DLG5: variants seen among roughly 807,000 people sequenced by gnomAD.
The protein encoded by DLG5 is discs large MAGUK scaffold protein 5.
Under a neutral mutation model 189.8 loss-of-function variants are expected in DLG5, and 48 were observed. The observed-to-expected ratio is 0.25, with a 90% CI of 0.20 to 0.32. DLG5 has a LOEUF of 0.32. Ranked by LOEUF, DLG5 falls within the 10% of genes least tolerant of loss-of-function variation. The probability of loss-of-function intolerance (pLI) is 1.00; values close to 1 mark genes in which losing one functional copy is unlikely to be tolerated. For synonymous variants in DLG5, 1,016 were observed against 1,054.1 expected, an observed-to-expected ratio of 0.96 and a Z score of 0.70; for missense variants, 2,160 against 2,544.7, an observed-to-expected ratio of 0.85 and a Z score of 3.25.
At chr10:77,805,299 A>G (rs993047338) in intron 27 of DLG5, among the ~76,000 whole-genome samples, 1 of 152,176 alleles carries the variant, frequency 6.6e-6, no homozygotes, top group African/African-American at 2.4e-5. Flanking sequence ...TCTCTTGCAC[A>G]TGCAAGTGGA....
chr10:77,816,584 T>C lies in DLG5; in HGVS notation c.3992A>G (p.Asn1331Ser). 1 of 1,613,920 alleles carries C rather than the reference T, an allele frequency of 6.2e-7. No individual in the cohort carries two copies. The highest frequency in any genetic ancestry group is 8.5e-7 in the Non-Finnish European group (1 of 1,179,960). Residue 1331 changes from asparagine (N) to serine (S), a missense_variant, in exon 20 of 32, where the codon AAC becomes AGC. This residue lies in a region of DLG5 where 754 missense variants were observed against 746.5 expected (regional missense o/e 1.01). Coordinates refer to ENST00000372391, the MANE Select transcript of DLG5 (RefSeq NM_004747.4). ...TCTCCGCTCCCCGAGGGACGCGGGG[T>C]TGACAGCGATTCTGGGCAATGTGGA... is the stretch of plus-strand genomic sequence containing the variant. Reference protein sequence around the residue: ...SASTLPRIAVNPASLGERRKD... With the variant: ...SASTLPRIAVSPASLGERRKD...
Position 77,904,769 on chromosome 10 carries a change from T to TAA in DLG5, c.304+21446_304+21447dup, listed in dbSNP as rs113803144. Among the ~76,000 whole-genome samples, 1,351 of 146,814 alleles carry TAA rather than the reference T, an allele frequency of 9.2e-3. 18 individuals are homozygous for TAA. The highest frequency in any genetic ancestry group is 0.03 in the African/African-American group (1,211 of 40,388). ...AAATTAAACATCCTGTTCTTCCAAA[T>TAA]AAAAAAAAAAACAAAAACATGTTGC... On this transcript the variant is annotated intron_variant, in intron 1 of 31. Coordinates refer to ENST00000372391, the MANE Select transcript of DLG5 (RefSeq NM_004747.4).
rs1463335348 is a variant in DLG5 at position 77,923,004 on chromosome 10, T to A, written c.304+3213A>T. 2.0e-5 allele frequency among the ~76,000 whole-genome samples: 3 copies of A among 152,228 alleles called. No individual in the cohort carries two copies. The East Asian group carries it at 5.8e-4, about 29-fold the overall frequency. On this transcript the variant is annotated intron_variant, in intron 1 of 31. Transcript: ENST00000372391. ...TTCCAGGCCCCACGTGGTAGGCTGC[T>A]GCCGATGCAGACTCCCTCAGCACCC...
intron 5 of DLG5, among the ~76,000 whole-genome samples, chr10:77,852,357 C>T (rs1351585060): frequency 2.0e-5 from 3 of 151,922 alleles, no homozygotes; most frequent in East Asian, 1.9e-4. Flanking sequence ...GGCGACAGAG[C>T]GAACTCTGTC....
intron 8 of DLG5, among the ~76,000 whole-genome samples, chr10:77,835,535 G>T (rs928502296): frequency 2.6e-5 from 4 of 152,210 alleles, no homozygotes; most frequent in Non-Finnish European, 5.9e-5. Flanking sequence ...AGGGCTGAGT[G>T]AGATGGGAGG....
At chr10:77,915,679 G>A (rs555169060) in intron 1 of DLG5, among the ~76,000 whole-genome samples, 3 of 152,328 alleles carry the variant, frequency 2.0e-5, no homozygotes, top group African/African-American at 7.2e-5. Context: ...CAGCAAACTA[G>A]CAGTTAGAAG....
intron 29 of DLG5, 147 bp downstream of exon 29, chr10:77,795,914 G>A: frequency 2.4e-6 from 3 of 1,229,484 alleles, no homozygotes; most frequent in Non-Finnish European, 2.3e-6. Context: ...GGCAAGCCCA[G>A]GCACAGGTGA....
At position 77,812,738 on chromosome 10, in the gene DLG5, G is replaced by A. The variant is rs577353748; in HGVS notation, c.4026-361C>T. On this transcript the variant is annotated intron_variant, in intron 20 of 31. Transcript: ENST00000372391. ...TCTGGGGGGTCTTGAGATGCCCTCCGAGGAAAAGAGATGGCTCCTGGGATG... is the reference window on the plus strand; with the variant it reads ...TCTGGGGGGTCTTGAGATGCCCTCCAAGGAAAAGAGATGGCTCCTGGGATG... Among the ~76,000 whole-genome samples the A allele has an allele frequency of 5.9e-5, 9 of 152,342 alleles. No homozygotes were observed. The East Asian group carries it at 1.2e-3, about 20-fold the overall frequency.
At chr10:77,882,036 G>A (rs1845296339) in intron 1 of DLG5, among the ~76,000 whole-genome samples, 1 of 152,220 alleles carries the variant, frequency 6.6e-6, no homozygotes, top group Non-Finnish European at 1.5e-5. Context: ...TTCGTGGGCT[G>A]CATTGAGAAT....
At chr10:77,887,839 A>G (rs1374710384) in intron 1 of DLG5, among the ~76,000 whole-genome samples, 1 of 152,214 alleles carries the variant, frequency 6.6e-6, no homozygotes, top group East Asian at 1.9e-4. Flanking sequence ...GGGACAGACA[A>G]ACAGGCTCCA....
chr10:77,872,500 A>G (rs1377471154), intron 1 of DLG5, among the ~76,000 whole-genome samples: 1 of 152,128 alleles, frequency 6.6e-6, no homozygotes, highest in Admixed American at 6.5e-5. Context: ...CAACCCAGGG[A>G]GCTGGCAGGG....
chr10:77,853,586 C>G (rs1394264415), intron 4 of DLG5, 49 bp from the exon 5 acceptor site: 1 of 1,454,948 alleles, frequency 6.9e-7, no homozygotes, highest in Admixed American at 2.1e-5. Context: ...CCCCTCACAC[C>G]CCGCCCCACC....
In DLG5 at chr10:77,806,100, A is replaced by G. The variant is rs190260409; in HGVS notation, c.4968-239T>C. The G allele has an allele frequency of 3.1e-4, 144 of 472,110 alleles. 1 individual carries two copies. The highest frequency in any genetic ancestry group is 2.7e-3 in the African/African-American group (137 of 50,910). 29.2% of individuals were successfully genotyped at this position (472,110 alleles called of 1,614,324 possible). A position where few individuals can be genotyped will look rare whatever the true frequency, so the allele number is the denominator to read the frequency against. ...CAGAGCAGGCGATTTTTTCTACTAC[A>G]GCATATTCAGCTCGGTGTCAAAAGG... On this transcript the variant is annotated intron_variant, in intron 26 of 31. Coordinates refer to ENST00000372391, the MANE Select transcript of DLG5 (RefSeq NM_004747.4).
intron 1 of DLG5, among the ~76,000 whole-genome samples, chr10:77,899,826 G>C (rs1308091254): frequency 6.6e-6 from 1 of 152,170 alleles, no homozygotes; most frequent in Non-Finnish European, 1.5e-5. Flanking sequence ...AAACCAGAAA[G>C]AGACCATGAA....
intron 1 of DLG5, among the ~76,000 whole-genome samples, chr10:77,891,858 G>A (rs1043189120): frequency 1.3e-5 from 2 of 152,188 alleles, no homozygotes; most frequent in Non-Finnish European, 2.9e-5. Context: ...TCTGCTGCTT[G>A]CTGGCTGTAT....
rs1307024416 is a variant in DLG5 at position 77,815,173 on chromosome 10, C to G, written c.4025+1378G>C. Among the ~76,000 whole-genome samples, 3 of 152,208 alleles carry G rather than the reference C, an allele frequency of 2.0e-5. No individual in the cohort carries two copies. In the East Asian group the frequency reaches 5.8e-4, roughly 29 times the overall value. ...GGGGAAGGTCCCGTCCTCTCTGTGGCCAGGGCCGGGGCTGAGTAAAACAGG... is the reference window on the plus strand; with the variant it reads ...GGGGAAGGTCCCGTCCTCTCTGTGGGCAGGGCCGGGGCTGAGTAAAACAGG... On this transcript the variant is annotated intron_variant, in intron 20 of 31. Coordinates refer to ENST00000372391, the MANE Select transcript of DLG5 (RefSeq NM_004747.4).
At chr10:77,879,758 T>C (rs1197214301) in intron 1 of DLG5, among the ~76,000 whole-genome samples, 1 of 151,194 alleles carries the variant, frequency 6.6e-6, no homozygotes, top group Non-Finnish European at 1.5e-5. Context: ...GCCTGGAAAC[T>C]GGAAGGATGA....
Position 77,901,614 on chromosome 10 carries a change from C to T in DLG5, c.304+24603G>A, listed in dbSNP as rs139354476. Among the ~76,000 whole-genome samples the T allele has an allele frequency of 6.8e-4, 103 of 152,340 alleles. 2 individuals carry two copies. In the East Asian group the frequency reaches 0.013, roughly 19 times the overall value. ...GGGAGGCACCTTGGGGCCTCCTTCC[C>T]GCACTGCAGACAATGGCTGGGAAGC... On this transcript the variant is annotated intron_variant, in intron 1 of 31. Transcript: ENST00000372391.
intron 1 of DLG5, among the ~76,000 whole-genome samples, chr10:77,883,691 CTTTTTT>C (rs36028891): frequency 2.6e-4 from 25 of 96,460 alleles, no homozygotes; most frequent in Non-Finnish European, 4.1e-4. Flanking sequence ...TAACATTGTT[CTTTTTT>C]TTTTTTTTTT....
Sources: allele counts gnomAD v4.1 joint callset (sites outside exome capture counted in the v4.1 genomes callset), GRCh38; gene constraint gnomAD v4.1.1; regional missense constraint gnomAD v4.1.1; transcripts MANE v1.5; gene names NCBI Gene and HGNC (gene_info 2026-07-23, HGNC 2026-07-21).